MROH2B: variants seen among roughly 807,000 people sequenced by gnomAD.
MROH2B encodes the protein maestro heat like repeat family member 2B.
A neutral mutation model predicts 208.6 loss-of-function variants in MROH2B; 177 were observed. The ratio of observed to expected loss-of-function variants is 0.85; its 90% CI spans 0.75 to 0.96. The LOEUF (loss-of-function observed/expected upper bound fraction) is 0.96. MROH2B is among the 40% of genes least tolerant of loss of function. The probability of loss-of-function intolerance (pLI) is 0.00; values close to 1 mark genes in which losing one functional copy is unlikely to be tolerated. For missense variants in MROH2B, 2,002 were observed against 1,878.7 expected, an observed-to-expected ratio of 1.07 and a Z score of -1.21; for synonymous variants, 728 against 659.0, an observed-to-expected ratio of 1.10 and a Z score of -1.60.
At chr5:41,022,967 C>A (rs949486029) in intron 24 of MROH2B, among the ~76,000 whole-genome samples, 3 of 152,188 alleles carry the variant, frequency 2.0e-5, no homozygotes, top group Non-Finnish European at 4.4e-5. Flanking sequence ...CTCTAACAGA[C>A]CTGCAGCTGA....
chr5:41,057,501 G>A, intron 7 of MROH2B, 141 bp from the exon 8 acceptor site: 3 of 624,172 alleles, frequency 4.8e-6, no homozygotes, highest in Non-Finnish European at 5.5e-6. Context: ...AATGATTCTG[G>A]CCCCTTCCAC....
chr5:41,048,471 G>A lies in MROH2B; in HGVS notation c.1543-6C>T, dbSNP rs762037607. 1.8e-5 allele frequency: 29 copies of A among 1,597,596 alleles called. No homozygotes were observed. The highest frequency in any genetic ancestry group is 2.7e-5 in the African/African-American group (2 of 74,112). On this transcript the variant is annotated splice_region_variant and splice_polypyrimidine_tract_variant and intron_variant, in intron 15 of 41. Coordinates refer to ENST00000399564, the MANE Select transcript of MROH2B (RefSeq NM_173489.5). ...CTGGCAGGCATAGATATTACCTGAAGGATAGAAGAGAAGGAGCTCATCAAT... is the reference window on the plus strand; with the variant it reads ...CTGGCAGGCATAGATATTACCTGAAAGATAGAAGAGAAGGAGCTCATCAAT...
chr5:41,021,085 T>C (rs1742132154), intron 24 of MROH2B, among the ~76,000 whole-genome samples: 1 of 152,210 alleles, frequency 6.6e-6, no homozygotes, highest in Admixed American at 6.5e-5. Context: ...AATAAATGAA[T>C]TCAGCAAAGT....
At chr5:41,034,125 G>T (rs757389360) in intron 21 of MROH2B, 245 of 938,200 alleles carry the variant, frequency 2.6e-4, no homozygotes, top group Non-Finnish European at 3.0e-4. Flanking sequence ...TTCGAGTCTT[G>T]TGTTTTCAGC....
chr5:41,018,009 C>A, intron 27 of MROH2B, 39 bp from the exon 28 acceptor site: 1 of 1,556,480 alleles, frequency 6.4e-7, no homozygotes, highest in Non-Finnish European at 8.7e-7. Flanking sequence ...GATGGGGTAG[C>A]TTGGTCATAT....
chr5:41,001,275 T>C (rs1341378493), intron 37 of MROH2B, among the ~76,000 whole-genome samples: 2 of 152,174 alleles, frequency 1.3e-5, no homozygotes, highest in Non-Finnish European at 2.9e-5. Flanking sequence ...CCAAATATTT[T>C]CTAAAGGGAT....
intron 19 of MROH2B, among the ~76,000 whole-genome samples, chr5:41,040,443 G>A (rs558403405): frequency 3.9e-5 from 6 of 152,212 alleles, no homozygotes; most frequent in East Asian, 1.9e-4. Context: ...GATAATAATC[G>A]TTCTAGTATG....
Position 41,052,526 on chromosome 5 carries a change from C to T in MROH2B, c.1169G>A (p.Arg390Gln), listed in dbSNP as rs566379429. The change falls in exon 12 of 42, where the codon CGG (arginine) becomes CAG (glutamine). Residue 390 changes from arginine (R) to glutamine (Q), a missense_variant. By Grantham distance (43) the Arg-to-Gln change is conservative. Transcript: ENST00000399564. ...TMCEKSYIEA[R>Q]EGWPLIDYVF... ...ATAATCAATCAATGGCCATCCTTCC[C>T]GAGCTTCAATATAGGACTTTTCACA... 2.8e-4 allele frequency: 458 copies of T among 1,612,546 alleles called. 7 individuals carry two copies. In the South Asian group the frequency reaches 3.3e-3, roughly 12 times the overall value.
In MROH2B at chr5:41,011,913, C is replaced by G. The variant is rs1741786288; in HGVS notation, c.3135+670G>C. Among the ~76,000 whole-genome samples the G allele has an allele frequency of 2.0e-5, 3 of 152,214 alleles. No homozygotes were observed. The South Asian group carries it at 6.2e-4, about 32-fold the overall frequency. On this transcript the variant is annotated intron_variant, in intron 30 of 41. Coordinates refer to ENST00000399564, the MANE Select transcript of MROH2B (RefSeq NM_173489.5). ...AAACTCCTGTCCTCAAGTGATCCAC[C>G]TGCCTTGGCCTCCCAAAGTGCTGGG...
Position 41,009,772 on chromosome 5 carries a change from T to C in MROH2B, c.3293+150A>G, listed in dbSNP as rs564950017. On this transcript the variant is annotated intron_variant, in intron 31 of 41. Coordinates refer to ENST00000399564, the MANE Select transcript of MROH2B (RefSeq NM_173489.5). ...TGAAAAGCACTTGGAAAAACATTAC[T>C]TGTGATTCAAATACCAATTGTTAAA... is the stretch of plus-strand genomic sequence containing the variant. 1.1e-4 allele frequency: 79 copies of C among 701,210 alleles called. No individual in the cohort carries two copies. In the African/African-American group the frequency reaches 1.4e-3, roughly 12 times the overall value. The allele number at this position is 701,210 out of a possible 1,614,324, so 43.4% of individuals were successfully genotyped here. A position where few individuals can be genotyped will look rare whatever the true frequency, so the allele number is the denominator to read the frequency against.
intron 40 of MROH2B, among the ~76,000 whole-genome samples, chr5:40,999,172 T>G (rs961844301): frequency 6.6e-6 from 1 of 152,210 alleles, no homozygotes; most frequent in Non-Finnish European, 1.5e-5. Context: ...TATGTTTTAT[T>G]TTATACATCA....
chr5:41,052,611 C>T (rs1427166533), intron 11 of MROH2B, 24 bp from the exon 12 acceptor site: 5 of 1,576,938 alleles, frequency 3.2e-6, no homozygotes, highest in Admixed American at 1.8e-5. Context: ...AATGCAATAG[C>T]AACATTTTAC....
intron 38 of MROH2B, 36 bp from the exon 39 acceptor site, chr5:41,000,387 C>A: frequency 6.2e-7 from 1 of 1,604,668 alleles, no homozygotes; most frequent in Non-Finnish European, 8.5e-7. Flanking sequence ...CAGTCCAGAA[C>A]GTTAGGATCT....
chr5:41,005,496 C>T, intron 35 of MROH2B, 35 bp downstream of exon 35: 2 of 1,346,796 alleles, frequency 1.5e-6, no homozygotes, highest in Non-Finnish European at 1.0e-6. Context: ...CTATGGGGAC[C>T]CAGTGAGTGT....
Position 41,007,333 on chromosome 5 carries a change from C to T in MROH2B, c.3730G>A (p.Gly1244Ser), listed in dbSNP as rs1474456964. ...CATTACCTGGCCAGTGAACATACGCCTATGTGGTGGGTACTAGGACTGCTG... is the reference window on the plus strand; with the variant it reads ...CATTACCTGGCCAGTGAACATACGCTTATGTGGTGGGTACTAGGACTGCTG... ...LLSSPSTHHI[G>S]VCSLARSMAV... Residue 1244 changes from glycine (G) to serine (S), a missense_variant, in exon 34 of 42, where the codon GGC becomes AGC. Transcript: ENST00000399564. The T allele has an allele frequency of 6.8e-6, 10 of 1,473,390 alleles. No individual in the cohort carries two copies. The African/African-American group carries it at 1.4e-4, about 21-fold the overall frequency. The allele number at this position is 1,473,390 out of a possible 1,614,324, so 91.3% of individuals were successfully genotyped here.
chr5:41,023,777 CAGAG>C (rs1742246769), intron 24 of MROH2B, among the ~76,000 whole-genome samples: 1 of 152,086 alleles, frequency 6.6e-6, no homozygotes, highest in Non-Finnish European at 1.5e-5. Flanking sequence ...TAAGGCCAGC[CAGAG>C]AGAAAGGTCG....
intron 7 of MROH2B, among the ~76,000 whole-genome samples, chr5:41,057,856 G>A (rs1325098087): frequency 6.6e-6 from 1 of 151,872 alleles, no homozygotes; most frequent in Non-Finnish European, 1.5e-5. Flanking sequence ...ACTGAGCCAG[G>A]CCCAGAATGA....
At chr5:41,041,793 CT>C (rs1742961821) in intron 19 of MROH2B, among the ~76,000 whole-genome samples, 4 of 152,264 alleles carry the variant, frequency 2.6e-5, no homozygotes, top group Admixed American at 2.6e-4. Flanking sequence ...GTAATTTCAG[CT>C]TGTAAATTCA....
rs757063770 is a variant in MROH2B, at chr5:40,999,665, A to T, written c.4585+12T>A. ...AGACATATCTGGGTAGGAAATGGGG[A>T]TGTGTACTCACCTGTGAGTTTGACA... On this transcript the variant is annotated intron_variant, in intron 40 of 41. Transcript: ENST00000399564. 2.5e-6 allele frequency: 4 copies of T among 1,602,338 alleles called. No homozygotes were observed. Among genetic ancestry groups the T allele is most frequent in the South Asian group, 1.1e-5 (1 of 89,480 alleles).
Sources: allele counts gnomAD v4.1 joint callset (sites outside exome capture counted in the v4.1 genomes callset), GRCh38; gene constraint gnomAD v4.1.1; transcripts MANE v1.5; gene names NCBI Gene and HGNC (gene_info 2026-07-23, HGNC 2026-07-21).